Variants in RNF2 observed in about 807,000 individuals in gnomAD.
RNF2 encodes the protein ring finger protein 2.
In RNF2, 6 loss-of-function variants were observed where a neutral mutation model predicts 37.2. The observed-to-expected ratio is 0.16, with a 90% confidence interval of 0.09 to 0.32. The LOEUF is 0.32. Ranked by LOEUF, RNF2 falls within the 10% of genes least tolerant of loss-of-function variation. The pLI is 1.00. For missense variants in RNF2, 251 were observed against 404.0 expected (o/e 0.62, Z 3.25); for synonymous variants, 133 against 132.7 (o/e 1.00, Z -0.02).
intron 1 of RNF2, among the ~76,000 whole-genome samples, chr1:185,049,243 C>T (rs1383158963): frequency 6.6e-6 from 1 of 152,140 alleles, no homozygotes; most frequent in Non-Finnish European, 1.5e-5. Flanking sequence ...TCATGCCACA[C>T]TATCAGAGGA....
rs182409476 is a variant in RNF2, at chr1:185,077,396, G to T, written c.-2-10156G>T. Among the ~76,000 whole-genome samples the T allele has an allele frequency of 4.0e-3, 598 of 150,914 alleles. 7 individuals carry two copies. Among genetic ancestry groups the T allele is most frequent in the Middle Eastern group, 6.8e-3 (2 of 294 alleles). On this transcript the variant is annotated intron_variant, in intron 1 of 6. Coordinates refer to ENST00000367510, the MANE Select transcript of RNF2 (RefSeq NM_007212.4). ...TGTTGGGTGGTCTCATTTTGCTCCT[G>T]ACTTTTTTAACAGGAATGTGTCAAA... is the stretch of plus-strand genomic sequence containing the variant.
chr1:185,090,022 A>G (rs569620172), intron 2 of RNF2, among the ~76,000 whole-genome samples: 1 of 151,972 alleles, frequency 6.6e-6, no homozygotes, highest in East Asian at 1.9e-4. Context: ...CCCAGATTCA[A>G]ATGATTCTCC....
chr1:185,102,031 T>A lies in RNF2; in HGVS notation c.*1730T>A, dbSNP rs1238489592. 6.6e-6 allele frequency: 1 copy of A among 152,604 alleles called. No individual in the cohort carries two copies. Among genetic ancestry groups the A allele is most frequent in the Non-Finnish European group, 1.5e-5 (1 of 68,022 alleles). 9.5% of individuals were successfully genotyped at this position (152,604 alleles called of 1,614,324 possible). A position where few individuals can be genotyped will look rare whatever the true frequency, so the allele number is the denominator to read the frequency against. On this transcript the variant is annotated 3_prime_UTR_variant, in exon 7 of 7. Coordinates refer to ENST00000367510, the MANE Select transcript of RNF2 (RefSeq NM_007212.4). ...TTGTTGATGACATTAGATTAGTAGT[T>A]GCATTAAATAACTAAATTCCCATTG...
chr1:185,100,103 GAAAA>G, intron 6 of RNF2, 93 bp from the exon 7 acceptor site: 2 of 1,196,200 alleles, frequency 1.7e-6, no homozygotes, highest in Non-Finnish European at 2.3e-6. Flanking sequence ...CCTAAGATTT[GAAAA>G]AAAAAGATTC....
chr1:185,076,739 C>A (rs1651178439), intron 1 of RNF2, among the ~76,000 whole-genome samples: 2 of 151,364 alleles, frequency 1.3e-5, no homozygotes, highest in Admixed American at 1.3e-4. Context: ...GTTTTTGAGC[C>A]CTTTGTTTTG....
At chr1:185,066,834 G>A (rs867537981) in intron 1 of RNF2, among the ~76,000 whole-genome samples, 22 of 152,306 alleles carry the variant, frequency 1.4e-4, no homozygotes, top group Non-Finnish European at 2.5e-4. Context: ...GGTGGGGGCA[G>A]GGGTAGTAGT....
chr1:185,098,093 A>G lies in RNF2; in HGVS notation c.486A>G (p.Gln162=), dbSNP rs377635787. Residue 162 remains glutamine (Q), a synonymous_variant, in exon 5 of 7, where the codon CAA becomes CAG. Coordinates refer to ENST00000367510, the MANE Select transcript of RNF2 (RefSeq NM_007212.4). Reference sequence around the variant, plus strand: ...CTAGACTGCAGCGAGGCAAGAAACAACAGATTGAAAATGGTAGTGGAGCAG... The same window carrying G: ...CTAGACTGCAGCGAGGCAAGAAACAGCAGATTGAAAATGGTAGTGGAGCAG... ...AMNRLQRGKK[Q]QIENGSGAED... is the part of the protein sequence containing the mutation. 5 of 1,614,010 alleles carry G rather than the reference A, an allele frequency of 3.1e-6. No homozygotes were observed. Among genetic ancestry groups the G allele is most frequent in the East Asian group, 2.2e-5 (1 of 44,884 alleles).
At chr1:185,088,666 A>G (rs1254266690) in intron 2 of RNF2, among the ~76,000 whole-genome samples, 2 of 152,234 alleles carry the variant, frequency 1.3e-5, no homozygotes, top group African/African-American at 4.8e-5. Context: ...ATTAGACTTA[A>G]CAATACAGTT....
intron 1 of RNF2, among the ~76,000 whole-genome samples, chr1:185,068,470 G>A (rs1295067495): frequency 1.3e-5 from 2 of 152,238 alleles, no homozygotes; most frequent in East Asian, 3.8e-4. Flanking sequence ...AAGGGGCAGA[G>A]AGAGATTACA....
chr1:185,090,850 T>G (rs950000870), intron 2 of RNF2, among the ~76,000 whole-genome samples: 2 of 152,208 alleles, frequency 1.3e-5, no homozygotes, highest in Non-Finnish European at 2.9e-5. Context: ...AGATATGTCC[T>G]GAAATTTTAC....
chr1:185,082,345 C>CTTTTTTTATTTTT (rs1651443801), intron 1 of RNF2, among the ~76,000 whole-genome samples: 1 of 72,000 alleles, frequency 1.4e-5, no homozygotes, highest in Non-Finnish European at 2.9e-5. Flanking sequence ...CTCTGCAGAA[C>CTTTTTTTATTTTT]TTTTTTTTTT....
At chr1:185,051,886 GTA>G (rs1030208864) in intron 1 of RNF2, among the ~76,000 whole-genome samples, 2 of 148,252 alleles carry the variant, frequency 1.3e-5, no homozygotes, top group African/African-American at 4.9e-5. Context: ...AAAAATGTGT[GTA>G]TGTAAAAAGT....
chr1:185,056,692 A>G (rs1311056369), intron 1 of RNF2, among the ~76,000 whole-genome samples: 3 of 134,430 alleles, frequency 2.2e-5, no homozygotes, highest in Admixed American at 2.2e-4. Context: ...TCTTAAATGG[A>G]TTGTTTTTAT....
chr1:185,082,367 T>G (rs12091158), intron 1 of RNF2, among the ~76,000 whole-genome samples: 1,354 of 113,206 alleles, frequency 0.012, 21 homozygotes, highest in African/African-American at 0.044. Context: ...TTTTTTTTTT[T>G]GAAGACAGAG....
chr1:185,060,357 A>G (rs185035535), intron 1 of RNF2, among the ~76,000 whole-genome samples: 5 of 152,260 alleles, frequency 3.3e-5, no homozygotes, highest in African/African-American at 9.6e-5. Context: ...GGCAGTCAAC[A>G]GTCAGTAGTA....
At chr1:185,077,268 T>A (rs1264120140) in intron 1 of RNF2, among the ~76,000 whole-genome samples, 1 of 152,062 alleles carries the variant, frequency 6.6e-6, no homozygotes, top group Non-Finnish European at 1.5e-5. Flanking sequence ...CACTTCCTTT[T>A]CCCATGTTCC....
chr1:185,049,685 G>A (rs780197818), intron 1 of RNF2, among the ~76,000 whole-genome samples: 3 of 151,258 alleles, frequency 2.0e-5, no homozygotes, highest in Non-Finnish European at 2.9e-5. Flanking sequence ...AAAAAAAAGC[G>A]GGGGAGGGGG....
chr1:185,085,049 T>C (rs1207615367), intron 1 of RNF2, among the ~76,000 whole-genome samples: 1 of 152,098 alleles, frequency 6.6e-6, no homozygotes, highest in East Asian at 1.9e-4. Context: ...GTGTAGCAAC[T>C]GTACTGCTCT....
chr1:185,092,993 G>A, intron 3 of RNF2, 68 bp from the exon 4 acceptor site: 1 of 1,301,786 alleles, frequency 7.7e-7, no homozygotes, highest in South Asian at 1.2e-5. Flanking sequence ...TCCAGAAGCT[G>A]GGTATTTTTG....
Sources: gnomAD v4.1 joint callset for allele counts (sites outside exome capture counted in the v4.1 genomes callset) on GRCh38, gnomAD v4.1.1 for gene constraint, MANE v1.5 for transcripts, NCBI Gene and HGNC (gene_info 2026-07-23, HGNC 2026-07-21) for gene names.